The following IFT122 variants were observed in gnomAD, a reference collection of about 807,000 sequenced individuals.
The protein encoded by IFT122 is intraflagellar transport protein 122 homolog.
A neutral mutation model predicts 161.6 loss-of-function variants in IFT122; 118 were observed. The observed-to-expected ratio is 0.73, with a 90% CI of 0.63 to 0.85. The LOEUF (loss-of-function observed/expected upper bound fraction) is 0.85. IFT122 is among the 40% of genes least tolerant of loss of function. The probability of loss-of-function intolerance (pLI) is 0.00; values close to 1 mark genes in which losing one functional copy is unlikely to be tolerated. For missense variants in IFT122, 1,381 were observed against 1,579.6 expected (o/e 0.87, Z 2.13); for synonymous variants, 550 against 602.4 (o/e 0.91, Z 1.27).
chr3:129,520,281 C>A lies in IFT122; in HGVS notation c.*16C>A. On this transcript the variant is annotated 3_prime_UTR_variant, in exon 30 of 30. Transcript: ENST00000348417. Reference sequence around the variant, plus strand: ...TGGCCCATGACCAGCATCCTGGGGACGGCCTGCACCCTCTGCCCGCCTTGG... The same window carrying A: ...TGGCCCATGACCAGCATCCTGGGGAAGGCCTGCACCCTCTGCCCGCCTTGG... The A allele has an allele frequency of 1.3e-6, 2 of 1,591,908 alleles. No individual in the cohort carries two copies. Among genetic ancestry groups the A allele is most frequent in the Non-Finnish European group, 1.7e-6 (2 of 1,168,282 alleles).
At chr3:129,466,248 T>C (rs1037826288) in intron 7 of IFT122, among the ~76,000 whole-genome samples, 3 of 152,052 alleles carry the variant, frequency 2.0e-5, no homozygotes, top group Non-Finnish European at 4.4e-5. Flanking sequence ...ATTTAGAAGG[T>C]TGTTTGGAAG....
intron 11 of IFT122, 130 bp downstream of exon 11, chr3:129,476,931 C>A: frequency 6.5e-5 from 60 of 927,152 alleles, no homozygotes; most frequent in Non-Finnish European, 8.3e-5. Flanking sequence ...GCCACTGGGT[C>A]TGTGTCTTGT....
chr3:129,468,321 C>A (rs1010243379), intron 8 of IFT122, among the ~76,000 whole-genome samples: 5 of 152,166 alleles, frequency 3.3e-5, no homozygotes, highest in Non-Finnish European at 7.3e-5. Context: ...TGGATTAAGA[C>A]CCAGCCTCAA....
chr3:129,445,990 T>C (rs1382015675), intron 1 of IFT122, among the ~76,000 whole-genome samples: 1 of 152,176 alleles, frequency 6.6e-6, no homozygotes, highest in Non-Finnish European at 1.5e-5. Context: ...CCAGGGCTCT[T>C]TTAAAATTTA....
intron 9 of IFT122, among the ~76,000 whole-genome samples, chr3:129,474,695 C>A (rs2077714078): frequency 6.6e-6 from 1 of 152,142 alleles, no homozygotes; most frequent in Admixed American, 6.5e-5. Context: ...CTTACAAGTT[C>A]ATTTTGGCTG....
intron 4 of IFT122, 49 bp downstream of exon 4, chr3:129,458,726 A>G: frequency 7.4e-7 from 1 of 1,350,184 alleles, no homozygotes; most frequent in Non-Finnish European, 1.1e-6. Flanking sequence ...TTATTGAATA[A>G]TTGCAGCAAA....
At chr3:129,506,078 T>C (rs913970279) in intron 21 of IFT122, among the ~76,000 whole-genome samples, 3 of 152,192 alleles carry the variant, frequency 2.0e-5, no homozygotes, top group Non-Finnish European at 4.4e-5. Context: ...TGCCCTGGAA[T>C]GAGCAGGGGG....
chr3:129,469,679 A>G (rs996594371), intron 9 of IFT122, among the ~76,000 whole-genome samples: 2 of 152,226 alleles, frequency 1.3e-5, no homozygotes, highest in African/African-American at 2.4e-5. Context: ...TATATGCCCA[A>G]GATCTCACAC....
chr3:129,458,983 A>G (rs1020648321), intron 4 of IFT122, among the ~76,000 whole-genome samples: 1 of 152,182 alleles, frequency 6.6e-6, no homozygotes, highest in African/African-American at 2.4e-5. Flanking sequence ...GTCTCAGAGA[A>G]TGGCCTTATA....
chr3:129,440,660 C>A (rs774582025), intron 1 of IFT122, among the ~76,000 whole-genome samples: 16 of 152,210 alleles, frequency 1.1e-4, no homozygotes, highest in Non-Finnish European at 2.2e-4. Context: ...CTCACACCCA[C>A]GAGACAGCAC....
At chr3:129,450,713 GTTTTTTTT>G (rs747032492) in intron 2 of IFT122, among the ~76,000 whole-genome samples, 4 of 80,990 alleles carry the variant, frequency 4.9e-5, no homozygotes, top group Non-Finnish European at 9.4e-5. Flanking sequence ...GTGTGTGTGT[GTTTTTTTT>G]TTTTTTTTTT....
intron 1 of IFT122, among the ~76,000 whole-genome samples, chr3:129,448,263 A>C (rs1179634555): frequency 1.3e-5 from 2 of 152,252 alleles, no homozygotes; most frequent in Admixed American, 1.3e-4. Flanking sequence ...GAAGTTTAAC[A>C]GGCGAAAGAA....
At chr3:129,514,587 C>G (rs200105122) in intron 25 of IFT122, 33 bp downstream of exon 25, 434 of 1,613,236 alleles carry the variant, frequency 2.7e-4, no homozygotes, top group Admixed American at 4.8e-4. Context: ...CAGGTGGCTT[C>G]TCCTCTCCCT....
intron 15 of IFT122, among the ~76,000 whole-genome samples, chr3:129,486,895 C>T (rs2079349668): frequency 6.6e-6 from 1 of 152,176 alleles, no homozygotes; most frequent in Non-Finnish European, 1.5e-5. Flanking sequence ...TGCTCCGTAG[C>T]CTATGCCTGC....
At chr3:129,504,461 G>T (rs1335327195) in intron 21 of IFT122, 40 bp downstream of exon 21, 20 of 1,509,508 alleles carry the variant, frequency 1.3e-5, no homozygotes, top group Non-Finnish European at 1.6e-5. Context: ...AGGAGCAGGA[G>T]AAGTTACTGC....
Position 129,502,653 on chromosome 3 carries a change from C to T in IFT122, c.2376-58C>T, listed in dbSNP as rs147990725. ...GGGGACCACAGAATGAATGGACATACGGCTTGCCGTTGACAAGACCCAGAG... is the reference window on the plus strand; with the variant it reads ...GGGGACCACAGAATGAATGGACATATGGCTTGCCGTTGACAAGACCCAGAG... On this transcript the variant is annotated intron_variant, in intron 19 of 29. Transcript: ENST00000348417. The T allele has an allele frequency of 3.6e-4, 575 of 1,581,408 alleles. 1 individual carries two copies. In the East Asian group the frequency reaches 7.5e-3, roughly 21 times the overall value.
At chr3:129,509,026 AC>A in intron 23 of IFT122, among the ~76,000 whole-genome samples, 1 of 152,136 alleles carries the variant, frequency 6.6e-6, no homozygotes, top group Non-Finnish European at 1.5e-5. Flanking sequence ...AGTGATCATG[AC>A]CTTTTTTTGG....
intron 1 of IFT122, among the ~76,000 whole-genome samples, chr3:129,447,083 C>T (rs1489558996): frequency 6.6e-6 from 1 of 152,132 alleles, no homozygotes; most frequent in African/African-American, 2.4e-5. Context: ...TTGCACATAG[C>T]CAGATGTTTC....
chr3:129,516,725 CAGAG>C (rs142458922), intron 26 of IFT122, among the ~76,000 whole-genome samples: 11 of 89,680 alleles, frequency 1.2e-4, no homozygotes, highest in African/African-American at 2.1e-4. Context: ...CACACACACA[CAGAG>C]AGACTGCCCC....
Sources: gnomAD v4.1 joint callset for allele counts (sites outside exome capture counted in the v4.1 genomes callset) on GRCh38, gnomAD v4.1.1 for gene constraint, MANE v1.5 for transcripts, NCBI Gene and HGNC (gene_info 2026-07-23, HGNC 2026-07-21) for gene names.